Variants in OTOF observed in about 807,000 individuals in gnomAD.
OTOF encodes the protein fer-1-like family member 2.
Under a neutral mutation model 236.8 loss-of-function variants are expected in OTOF, and 218 were observed. That is an observed-to-expected ratio of 0.92 (90% CI 0.82 to 1.03). The LOEUF (loss-of-function observed/expected upper bound fraction) is 1.03, where lower values mean the gene tolerates loss of function less well. Ranked by LOEUF, OTOF falls within the 50% of genes least tolerant of loss-of-function variation. The pLI, the probability that OTOF is intolerant of heterozygous loss-of-function variation, is 0.00. For missense variants in OTOF, 2,590 were observed against 2,694.4 expected (o/e 0.96, Z 0.86); for synonymous variants, 1,041 against 1,072.5 (o/e 0.97, Z 0.57).
chr2:26,511,379 A>T (rs1246249559), intron 5 of OTOF, among the ~76,000 whole-genome samples: 1 of 152,160 alleles, frequency 6.6e-6, no homozygotes, highest in Non-Finnish European at 1.5e-5. Flanking sequence ...CGGCCCCCCT[A>T]TCTCACTTTA....
Position 26,459,878 on chromosome 2 carries a change from A to T in OTOF, c.*17+130T>A, listed in dbSNP as rs1410325936. 1.3e-5 allele frequency: 12 copies of T among 892,374 alleles called. No homozygotes were observed. In the Admixed American group the frequency reaches 2.6e-4, roughly 19 times the overall value. The allele number at this position is 892,374 out of a possible 1,614,324, so 55.3% of individuals were successfully genotyped here. A position where few individuals can be genotyped will look rare whatever the true frequency, so the allele number is the denominator to read the frequency against. ...GCACTTGTGCGTGGCACATGTGTGCATACATGCTTGTGTGTGTTTGTGTGC... is the reference window on the plus strand; with the variant it reads ...GCACTTGTGCGTGGCACATGTGTGCTTACATGCTTGTGTGTGTTTGTGTGC... On this transcript the variant is annotated intron_variant, in intron 46 of 46. Transcript: ENST00000272371.
At chr2:26,496,005 C>A (rs904809384) in intron 8 of OTOF, among the ~76,000 whole-genome samples, 5 of 152,268 alleles carry the variant, frequency 3.3e-5, no homozygotes, top group Admixed American at 1.3e-4. Context: ...ATGGCCAGTG[C>A]GGCTTTGGTG....
At chr2:26,554,165 C>CAAAAAA (rs34196608) in intron 1 of OTOF, among the ~76,000 whole-genome samples, 4 of 79,566 alleles carry the variant, frequency 5.0e-5, no homozygotes, top group African/African-American at 1.0e-4. Context: ...GAGCGAGACT[C>CAAAAAA]AAAAAAAAAA....
At chr2:26,458,253 G>A (rs1664283462) in intron 46 of OTOF, 33 bp from the exon 47 acceptor site, 1 of 1,553,026 alleles carries the variant, frequency 6.4e-7, no homozygotes, top group South Asian at 1.2e-5. Flanking sequence ...CGGTCAGCCA[G>A]TGGGCAGGAG....
Position 26,473,227 on chromosome 2 carries a change from C to T in OTOF, c.3638G>A (p.Gly1213Asp). ...ATGGGAGCCCACCAGTGTGTAGCGA[C>T]CGAAGGCCCGGCAGTCCACCACACG... The part of the protein sequence containing the change: ...NIRVVDCRAF[G>D]RYTLVGSHAV... Residue 1213 changes from glycine (G) to aspartate (D), a missense_variant, in exon 29 of 47, where the codon GGT (glycine) becomes GAT (aspartate). Around this residue, in one of 2 missense-constraint regions of OTOF, gnomAD observed 1,211 missense variants for 1,352.8 expected, o/e 0.90. Coordinates refer to ENST00000272371, the MANE Select transcript of OTOF (RefSeq NM_194248.3). This position sits in a 1 kb window ranked among gnomAD's most constrained non-coding sequence, Gnocchi z 7.2. 1 of 1,613,314 alleles carries T rather than the reference C, an allele frequency of 6.2e-7. No individual in the cohort carries two copies. The highest frequency in any genetic ancestry group is 8.5e-7 in the Non-Finnish European group (1 of 1,179,992).
intron 6 of OTOF, among the ~76,000 whole-genome samples, chr2:26,503,490 C>T (rs1666170635): frequency 6.6e-6 from 1 of 152,272 alleles, no homozygotes; most frequent in Non-Finnish European, 1.5e-5. Flanking sequence ...ATATTCTCTG[C>T]TCTAATTAAA....
intron 11 of OTOF, among the ~76,000 whole-genome samples, chr2:26,485,920 A>C (rs1336880487): frequency 6.6e-6 from 1 of 152,242 alleles, no homozygotes; most frequent in African/African-American, 2.4e-5. Context: ...CCAGGCTGGC[A>C]GGCCTCCAGG....
chr2:26,474,401 C>T, intron 26 of OTOF, 112 bp downstream of exon 26: 1 of 687,714 alleles, frequency 1.5e-6, no homozygotes, highest in South Asian at 1.7e-5. Flanking sequence ...CCAGGCCCCA[C>T]CCCCAGGCCC....
chr2:26,495,185 A>G, intron 8 of OTOF, 112 bp from the exon 9 acceptor site: 1 of 1,064,154 alleles, frequency 9.4e-7, no homozygotes, highest in Non-Finnish European at 1.4e-6. Context: ...CCCGGGAGCC[A>G]GCACTGGCCT....
intron 5 of OTOF, among the ~76,000 whole-genome samples, chr2:26,508,219 T>A (rs4665863): frequency 0.38 from 58,266 of 152,002 alleles, 11,870 homozygotes; most frequent in East Asian, 0.8. Flanking sequence ...AGAAATAGGG[T>A]CTGTGGTCCT....
chr2:26,464,132 A>G, intron 39 of OTOF, 26 bp from the exon 40 acceptor site: 1 of 1,612,534 alleles, frequency 6.2e-7, no homozygotes, highest in Non-Finnish European at 8.5e-7. Flanking sequence ...GCTCAGCTGC[A>G]CACATGGCTC....
At chr2:26,474,820 C>G (rs1259529107) in intron 25 of OTOF, 146 bp from the exon 26 acceptor site, 1 of 896,862 alleles carries the variant, frequency 1.1e-6, no homozygotes, top group East Asian at 2.6e-5. Context: ...AGTCTCAGGG[C>G]CCACCAAAGA....
rs1401778820 is a variant in OTOF, at chr2:26,495,062, C to T, written c.777G>A (p.Thr259=). 9.9e-6 allele frequency: 16 copies of T among 1,614,030 alleles called. No homozygotes were observed. Among genetic ancestry groups the T allele is most frequent in the Admixed American group, 1.7e-5 (1 of 59,996 alleles). ...CCACCAGCTGCCGGGCCTCGATCAC[C>T]GTGATGCTGACCTGCAGGCAGGAGA... ...GRPMDYQVSI[T]VIEARQLVGL... is the part of the protein sequence containing the mutation. The change falls in exon 9 of 47, where the codon ACG becomes ACA. Residue 259 remains threonine (T), a synonymous_variant. Coordinates refer to ENST00000272371, the MANE Select transcript of OTOF (RefSeq NM_194248.3).
At chr2:26,533,494 T>A (rs1329066899) in intron 2 of OTOF, among the ~76,000 whole-genome samples, 1 of 152,170 alleles carries the variant, frequency 6.6e-6, no homozygotes, top group African/African-American at 2.4e-5. Context: ...GAGTTGTAAG[T>A]TAAATGTAGG....
At chr2:26,534,081 G>T (rs1430971934) in intron 2 of OTOF, among the ~76,000 whole-genome samples, 1 of 152,156 alleles carries the variant, frequency 6.6e-6, no homozygotes, top group Non-Finnish European at 1.5e-5. Flanking sequence ...ATGACCATAG[G>T]TCCTGGAATC....
At chr2:26,511,070 A>G (rs1418915699) in intron 5 of OTOF, among the ~76,000 whole-genome samples, 1 of 152,190 alleles carries the variant, frequency 6.6e-6, no homozygotes, top group African/African-American at 2.4e-5. Flanking sequence ...ATGATTCCAC[A>G]ATGTGGGTCG....
At chr2:26,541,889 C>G (rs1166871211) in intron 1 of OTOF, among the ~76,000 whole-genome samples, 1 of 152,190 alleles carries the variant, frequency 6.6e-6, no homozygotes, top group Non-Finnish European at 1.5e-5. Context: ...GGAAATAGAA[C>G]AGCATCCTCC....
chr2:26,508,677 T>G (rs996069212), intron 5 of OTOF, among the ~76,000 whole-genome samples: 11 of 152,248 alleles, frequency 7.2e-5, no homozygotes, highest in Non-Finnish European at 8.8e-5. Context: ...ACACTATGAG[T>G]TCTTTCGTGG....
At chr2:26,472,825 A>T (rs985815471) in intron 29 of OTOF, among the ~76,000 whole-genome samples, 176 bp from the exon 30 acceptor site, 1 of 152,150 alleles carries the variant, frequency 6.6e-6, no homozygotes, top group African/African-American at 2.4e-5. Flanking sequence ...AGAGCCCGAG[A>T]TAAGGGGAAG....
Sources: gnomAD v4.1 joint callset for allele counts (sites outside exome capture counted in the v4.1 genomes callset) on GRCh38, gnomAD v4.1.1 for gene constraint, gnomAD v4.1.1 regional missense constraint, Gnocchi (gnomAD v3.1) non-coding constraint, MANE v1.5 for transcripts, NCBI Gene and HGNC (gene_info 2026-07-23, HGNC 2026-07-21) for gene names.